SORCS1: variants seen among roughly 807,000 people sequenced by gnomAD.
SORCS1 encodes the protein sortilin related VPS10 domain containing receptor 1.
In SORCS1, 60 loss-of-function variants were observed where a neutral mutation model predicts 146.1. That is an observed-to-expected ratio of 0.41 (90% CI 0.33 to 0.51). SORCS1 has a LOEUF of 0.51. Among genes scored for constraint, SORCS1 ranks in the 20% least tolerant of loss-of-function variants. The pLI is 0.21. For missense variants in SORCS1, 1,352 were observed against 1,487.6 expected, an observed-to-expected ratio of 0.91 and a Z score of 1.50; for synonymous variants, 637 against 584.0, an observed-to-expected ratio of 1.09 and a Z score of -1.31.
chr10:106,869,237 T>G (rs574543079), intron 2 of SORCS1, among the ~76,000 whole-genome samples: 4 of 152,218 alleles, frequency 2.6e-5, no homozygotes, highest in African/African-American at 9.6e-5. Flanking sequence ...AACAGATGGA[T>G]TCACAGCCAA....
intron 18 of SORCS1, 45 bp downstream of exon 18, chr10:106,652,337 A>G (rs1330225752): frequency 9.5e-6 from 14 of 1,479,822 alleles, no homozygotes; most frequent in Non-Finnish European, 1.2e-5. Flanking sequence ...ATTAAGAAAA[A>G]TCACTGGCCC....
intron 1 of SORCS1, among the ~76,000 whole-genome samples, chr10:107,067,413 T>A (rs528381896): frequency 6.6e-6 from 1 of 152,284 alleles, no homozygotes; most frequent in African/African-American, 2.4e-5. Flanking sequence ...ATAGACTTGT[T>A]CCTGCTGCAA....
intron 1 of SORCS1, among the ~76,000 whole-genome samples, chr10:107,019,644 G>A (rs551595837): frequency 3.9e-5 from 6 of 152,282 alleles, no homozygotes; most frequent in East Asian, 1.9e-4. Flanking sequence ...TGCCCTAACC[G>A]TCCAAGCAGG....
intron 1 of SORCS1, among the ~76,000 whole-genome samples, chr10:107,157,893 G>A (rs897075291): frequency 2.0e-5 from 3 of 152,122 alleles, no homozygotes; most frequent in African/African-American, 7.2e-5. Context: ...GATGCTGTTT[G>A]GCCAGTTTCC....
At chr10:106,770,781 C>T (rs1279882402) in intron 4 of SORCS1, among the ~76,000 whole-genome samples, 1 of 152,228 alleles carries the variant, frequency 6.6e-6, no homozygotes, top group Non-Finnish European at 1.5e-5. Flanking sequence ...TAGAGCTTGA[C>T]AATATCCCTC....
Position 106,629,349 on chromosome 10 carries a change from C to T in SORCS1, c.2515G>A (p.Asp839Asn), listed in dbSNP as rs563802181. ...TTGACGTAAGACACCGCGATACCAT[C>T]GCCAAAGTCCACTTGGATGAGTGTC... ...QRTLIQVDFG[D>N]GIAVSYVNLS... The change falls in exon 19 of 26, where the codon GAT (aspartate) becomes AAT (asparagine). Residue 839 changes from aspartate to asparagine, a missense_variant. Transcript: ENST00000263054. 3 of 1,614,174 alleles carry T rather than the reference C, an allele frequency of 1.9e-6. No homozygotes were observed. The highest frequency in any genetic ancestry group is 1.3e-5 in the African/African-American group (1 of 75,068).
intron 2 of SORCS1, among the ~76,000 whole-genome samples, chr10:106,849,871 G>A (rs1429945894): frequency 2.0e-5 from 3 of 152,116 alleles, no homozygotes; most frequent in African/African-American, 7.2e-5. Context: ...TGCCCCTGCT[G>A]GTGGGTGCCT....
At chr10:106,625,553 G>A (rs771902906) in intron 19 of SORCS1, among the ~76,000 whole-genome samples, 5 of 152,064 alleles carry the variant, frequency 3.3e-5, no homozygotes, top group South Asian at 2.1e-4. Flanking sequence ...GGGGCAGGTG[G>A]CTCATTAAGC....
chr10:106,708,760 C>T (rs1203300928), intron 7 of SORCS1, among the ~76,000 whole-genome samples: 2 of 152,178 alleles, frequency 1.3e-5, no homozygotes, highest in African/African-American at 2.4e-5. Flanking sequence ...CCAGCCACCC[C>T]ACAGCTTCCC....
intron 3 of SORCS1, among the ~76,000 whole-genome samples, chr10:106,807,606 C>G (rs942502659): frequency 1.3e-5 from 2 of 152,220 alleles, no homozygotes; most frequent in African/African-American, 2.4e-5. Flanking sequence ...TCCCTGGAAA[C>G]TTTCTGCAAA....
intron 1 of SORCS1, among the ~76,000 whole-genome samples, chr10:106,981,120 T>C (rs1337544085): frequency 2.6e-5 from 4 of 152,184 alleles, no homozygotes; most frequent in South Asian, 2.1e-4. Flanking sequence ...TGTAGTGTTA[T>C]AGAAAATGTG....
At chr10:106,762,347 G>T (rs538475747) in intron 4 of SORCS1, among the ~76,000 whole-genome samples, 22 of 149,012 alleles carry the variant, frequency 1.5e-4, no homozygotes, top group African/African-American at 5.4e-4. Context: ...TAGCCAAGGA[G>T]AATCTGTAAC....
At chr10:106,602,415 C>G (rs890537801) in intron 23 of SORCS1, among the ~76,000 whole-genome samples, 1 of 151,836 alleles carries the variant, frequency 6.6e-6, no homozygotes, top group Non-Finnish European at 1.5e-5. Context: ...AGAGGAAGAT[C>G]TTTCCCAATT....
chr10:106,706,569 C>T lies in SORCS1; in HGVS notation c.1209G>A (p.Lys403=). 6.2e-7 allele frequency: 1 copy of T among 1,614,144 alleles called. No homozygotes were observed. The highest frequency in any genetic ancestry group is 8.5e-7 in the Non-Finnish European group (1 of 1,179,994). ...CCTTGGGCAAAGCATATTTCGGAAG[C>T]TTCATTTGGGCAAATGCATTCCTTC... ...SYRRNAFAQM[K]LPKYALPKDM... The change falls in exon 8 of 26, where the codon AAG becomes AAA. Residue 403 remains lysine (K), a synonymous_variant. Transcript: ENST00000263054.
At chr10:106,806,895 C>T (rs1283988433) in intron 3 of SORCS1, among the ~76,000 whole-genome samples, 1 of 152,108 alleles carries the variant, frequency 6.6e-6, no homozygotes, top group African/African-American at 2.4e-5. Context: ...CTCTTTTCAA[C>T]ATCCCGCCTT....
At chr10:106,836,739 A>T (rs936988046) in intron 2 of SORCS1, among the ~76,000 whole-genome samples, 13 of 151,840 alleles carry the variant, frequency 8.6e-5, no homozygotes, top group Non-Finnish European at 1.2e-4. Flanking sequence ...GATTAAATAA[A>T]AAAAAAAAAA....
chr10:106,623,606 A>C (rs1270152914), intron 19 of SORCS1, among the ~76,000 whole-genome samples: 2 of 152,082 alleles, frequency 1.3e-5, no homozygotes, highest in Admixed American at 1.3e-4. Context: ...TGTCTCAATG[A>C]AAAATTCGAA....
chr10:106,688,424 G>A, intron 9 of SORCS1, 86 bp from the exon 10 acceptor site: 1 of 1,493,580 alleles, frequency 6.7e-7, no homozygotes, highest in South Asian at 1.3e-5. Flanking sequence ...GGCTGTCAAA[G>A]TCAGCTGAGA....
intron 2 of SORCS1, among the ~76,000 whole-genome samples, chr10:106,904,980 G>A (rs1400447329): frequency 1.3e-5 from 2 of 152,182 alleles, no homozygotes; most frequent in African/African-American, 4.8e-5. Context: ...TGCAAATATT[G>A]CTGTCAAAAA....
Sources: gnomAD v4.1 joint callset for allele counts (sites outside exome capture counted in the v4.1 genomes callset) on GRCh38, gnomAD v4.1.1 for gene constraint, MANE v1.5 for transcripts, NCBI Gene and HGNC (gene_info 2026-07-23, HGNC 2026-07-21) for gene names.